The following WWTR1 variants were observed in gnomAD, a reference collection of about 807,000 sequenced individuals.
WWTR1 encodes the protein WW domain-containing transcription regulator protein 1.
Under a neutral mutation model 40.1 loss-of-function variants are expected in WWTR1, and 13 were observed. That is an observed-to-expected ratio of 0.32 (90% CI 0.21 to 0.52). WWTR1 has a LOEUF of 0.52. Ranked by LOEUF, WWTR1 falls within the 20% of genes least tolerant of loss-of-function variation. The probability of loss-of-function intolerance (pLI) is 0.97; values close to 1 mark genes in which losing one functional copy is unlikely to be tolerated. For missense variants in WWTR1, 436 were observed against 523.1 expected (o/e 0.83, Z 1.63); for synonymous variants, 230 against 210.1 (o/e 1.09, Z -0.82).
At chr3:149,531,353 T>C (rs1014485171) in intron 4 of WWTR1, among the ~76,000 whole-genome samples, 2 of 152,206 alleles carry the variant, frequency 1.3e-5, no homozygotes, top group South Asian at 2.1e-4. Context: ...TTATTCCACA[T>C]AGCAGCCAAA....
chr3:149,584,374 G>A lies in WWTR1; in HGVS notation c.432-11374C>T, dbSNP rs576716726. ...TTGTTTTTTTCAATTCTGGGAAGAG[G>A]ATGAGCCACCCTGGCTCTGGCCATC... is the stretch of plus-strand genomic sequence containing the variant. On this transcript the variant is annotated intron_variant, in intron 2 of 6. Transcript: ENST00000360632. Among the ~76,000 whole-genome samples the A allele has an allele frequency of 3.9e-5, 6 of 152,242 alleles. No individual in the cohort carries two copies. The South Asian group carries it at 8.3e-4, about 21-fold the overall frequency.
chr3:149,692,499 C>T (rs6783721), intron 1 of WWTR1, among the ~76,000 whole-genome samples: 25,259 of 152,050 alleles, frequency 0.17, 2,880 homozygotes, highest in African/African-American at 0.33. Context: ...GAGGAATATA[C>T]CTCAACACGA....
chr3:149,655,464 AAAC>A (rs34656762), intron 2 of WWTR1, among the ~76,000 whole-genome samples: 11 of 152,000 alleles, frequency 7.2e-5, no homozygotes, highest in South Asian at 2.1e-4. Context: ...AACAAACAAC[AAAC>A]AACAACAACA....
intron 4 of WWTR1, among the ~76,000 whole-genome samples, chr3:149,539,853 G>A (rs545737091): frequency 1.3e-5 from 2 of 151,760 alleles, no homozygotes; most frequent in African/African-American, 2.4e-5. Context: ...GAATAATCAG[G>A]TGTCCTGGCA....
intron 2 of WWTR1, among the ~76,000 whole-genome samples, chr3:149,577,976 A>G (rs6795676): frequency 0.034 from 5,080 of 150,018 alleles, 120 homozygotes; most frequent in South Asian, 0.052. Flanking sequence ...CCTTCTGCCA[A>G]TCTTTCTGGT....
intron 6 of WWTR1, 109 bp downstream of exon 6, chr3:149,525,904 A>C (rs1184750931): frequency 3.0e-6 from 2 of 657,662 alleles, no homozygotes; most frequent in Non-Finnish European, 4.6e-6. Context: ...ATATAAAATA[A>C]AAGTTGAAAT....
chr3:149,677,604 GC>G (rs1714310619), intron 1 of WWTR1, among the ~76,000 whole-genome samples: 1 of 152,150 alleles, frequency 6.6e-6, no homozygotes, highest in South Asian at 2.1e-4. Context: ...ACTTTGGGAG[GC>G]CGAGACGGGT....
In WWTR1 at chr3:149,653,119, T is replaced by C. The variant is rs142869338; in HGVS notation, c.431+3757A>G. Among the ~76,000 whole-genome samples the C allele has an allele frequency of 8.9e-3, 1,350 of 152,352 alleles. 13 individuals are homozygous for C. Among genetic ancestry groups the C allele is most frequent in the Middle Eastern group, 0.017 (5 of 294 alleles). Reference sequence around the variant, plus strand: ...GAGGAGGATAAAATCTTTTTTCTTATAAAATCACGTTACTCAAATGAAAGA... The same window carrying C: ...GAGGAGGATAAAATCTTTTTTCTTACAAAATCACGTTACTCAAATGAAAGA... On this transcript the variant is annotated intron_variant, in intron 2 of 6. Transcript: ENST00000360632.
chr3:149,682,793 C>A (rs539396055), intron 1 of WWTR1, among the ~76,000 whole-genome samples: 14 of 152,166 alleles, frequency 9.2e-5, no homozygotes, highest in African/African-American at 2.9e-4. Context: ...AGAGATCTCC[C>A]CACCCTAGGT....
At chr3:149,637,562 T>A (rs971670607) in intron 2 of WWTR1, among the ~76,000 whole-genome samples, 1 of 152,108 alleles carries the variant, frequency 6.6e-6, no homozygotes, top group South Asian at 2.1e-4. Context: ...TCTCAATAAA[T>A]ATTCCCTAGT....
rs999890519 is a variant in WWTR1, at chr3:149,517,681, T to C, written c.*3124A>G. 2 of 152,222 alleles carry C rather than the reference T, an allele frequency of 1.3e-5. No homozygotes were observed. Among genetic ancestry groups the C allele is most frequent in the Non-Finnish European group, 2.9e-5 (2 of 68,030 alleles). The allele number at this position is 152,222 out of a possible 1,614,324, so 9.4% of individuals were successfully genotyped here. A position where few individuals can be genotyped will look rare whatever the true frequency, so the allele number is the denominator to read the frequency against. ...ATAAAGTTTTCACTGTTTTACCTGT[T>C]TCCTGTATATGGTGTAATCAGTGAA... On this transcript the variant is annotated 3_prime_UTR_variant, in exon 7 of 7. Transcript: ENST00000360632.
intron 4 of WWTR1, among the ~76,000 whole-genome samples, chr3:149,532,183 A>G (rs1335102019): frequency 6.6e-6 from 1 of 152,246 alleles, no homozygotes; most frequent in Non-Finnish European, 1.5e-5. Context: ...ACGGGATAAC[A>G]CTACAAGGTG....
intron 1 of WWTR1, among the ~76,000 whole-genome samples, chr3:149,678,447 CTTAA>C (rs1262164375): frequency 6.6e-6 from 1 of 152,138 alleles, no homozygotes; most frequent in Non-Finnish European, 1.5e-5. Flanking sequence ...GTACATTCTG[CTTAA>C]TTGTCATGTT....
intron 1 of WWTR1, among the ~76,000 whole-genome samples, chr3:149,683,175 T>A (rs1026333968): frequency 1.3e-5 from 2 of 152,220 alleles, no homozygotes; most frequent in African/African-American, 4.8e-5. Context: ...AACCACCCTA[T>A]GAAAGGGATA....
intron 2 of WWTR1, among the ~76,000 whole-genome samples, chr3:149,624,548 C>T (rs73155023): frequency 0.013 from 2,040 of 152,262 alleles, 52 homozygotes; most frequent in Admixed American, 0.067. Context: ...TTCAAGCTGT[C>T]CAGGCTGGCT....
intron 2 of WWTR1, among the ~76,000 whole-genome samples, chr3:149,663,564 C>T (rs564741406): frequency 4.1e-4 from 63 of 152,100 alleles, no homozygotes; most frequent in Non-Finnish European, 8.1e-4. Context: ...TGCGTGGTGG[C>T]GCGTGCCTGT....
intron 3 of WWTR1, among the ~76,000 whole-genome samples, chr3:149,555,199 G>T (rs577400099): frequency 1.3e-5 from 2 of 152,328 alleles, no homozygotes; most frequent in African/African-American, 4.8e-5. Flanking sequence ...TTGCCAGCGT[G>T]AGTTGCTAGT....
At chr3:149,706,836 A>C (rs1399222830), upstream of WWTR1, among the ~76,000 whole-genome samples, 3 of 152,236 alleles carry the variant, frequency 2.0e-5, no homozygotes, top group Admixed American at 2.0e-4. Flanking sequence ...TCAGTGATAC[A>C]TATACAAAAC....
At chr3:149,647,926 T>A (rs1044701059) in intron 2 of WWTR1, among the ~76,000 whole-genome samples, 2 of 152,152 alleles carry the variant, frequency 1.3e-5, no homozygotes, top group Non-Finnish European at 2.9e-5. Context: ...CTCAATGGGA[T>A]GCATAATCAT....
Sources: gnomAD v4.1 joint callset for allele counts (sites outside exome capture counted in the v4.1 genomes callset) on GRCh38, gnomAD v4.1.1 for gene constraint, MANE v1.5 for transcripts, NCBI Gene and HGNC (gene_info 2026-07-23, HGNC 2026-07-21) for gene names.